The following SPATA9 variants were observed in gnomAD, a reference collection of about 807,000 sequenced individuals.
SPATA9 encodes the protein spermatogenesis associated 9, also known as spermatogenesis-associated protein 9.
SPATA9 carries 27 observed loss-of-function variants against 25.5 expected under a neutral mutation model. That is an observed-to-expected ratio of 1.06 (90% CI 0.78 to 1.46). SPATA9 has a LOEUF of 1.46. Among genes scored for constraint, SPATA9 ranks in the 40% most tolerant of loss-of-function variants. The pLI, the probability that SPATA9 is intolerant of heterozygous loss-of-function variation, is 0.00. For synonymous variants in SPATA9, 102 were observed against 105.7 expected, an observed-to-expected ratio of 0.97 and a Z score of 0.21; for missense variants, 282 against 297.5, an observed-to-expected ratio of 0.95 and a Z score of 0.38.
At chr5:95,654,117 G>A, downstream of SPATA9, 1 of 1,611,692 alleles carries the variant, frequency 6.2e-7, no homozygotes, top group Non-Finnish European at 8.5e-7. Flanking sequence ...TCTTCTGTGT[G>A]TGTGGGCAGA....
chr5:95,725,786 G>C, the SPATA9 span, among the ~76,000 whole-genome samples: 2 of 150,900 alleles, frequency 1.3e-5, no homozygotes, highest in Admixed American at 6.6e-5. Context: ...TGCTCTCATT[G>C]TAATGTTAGC....
the SPATA9 span, among the ~76,000 whole-genome samples, chr5:95,728,461 ACTTT>A: frequency 5.9e-5 from 9 of 152,220 alleles, no homozygotes; most frequent in Admixed American, 5.9e-4. Flanking sequence ...GACAATGTTT[ACTTT>A]CTTTATGAAC....
At chr5:95,690,691 T>C (rs1455404808) in intron 1 of SPATA9, among the ~76,000 whole-genome samples, 2 of 152,204 alleles carry the variant, frequency 1.3e-5, no homozygotes, top group East Asian at 3.8e-4. Context: ...CCATCTATGA[T>C]ATATTCCAGC....
chr5:95,671,949 A>G (rs964067895), intron 3 of SPATA9, among the ~76,000 whole-genome samples: 1 of 152,034 alleles, frequency 6.6e-6, no homozygotes, highest in Admixed American at 6.6e-5. Flanking sequence ...TGCTATAAAA[A>G]TGAAGTTCAA....
Position 95,658,578 on chromosome 5 carries a change from C to T in SPATA9, c.*45G>A. The T allele has an allele frequency of 6.4e-7, 1 of 1,550,650 alleles. No individual in the cohort carries two copies. Among genetic ancestry groups the T allele is most frequent in the Non-Finnish European group, 8.7e-7 (1 of 1,151,446 alleles). On this transcript the variant is annotated 3_prime_UTR_variant, in exon 5 of 5. Coordinates refer to ENST00000274432, the MANE Select transcript of SPATA9 (RefSeq NM_031952.4). ...TCTGAGTTTTGTCAGATGAAATGTGCCATTAAATAGATAACTCTTAAGTTC... is the reference window on the plus strand; with the variant it reads ...TCTGAGTTTTGTCAGATGAAATGTGTCATTAAATAGATAACTCTTAAGTTC...
At chr5:95,714,268 A>G in the SPATA9 span, among the ~76,000 whole-genome samples, 3,398 of 152,242 alleles carry the variant, frequency 0.022, 136 homozygotes, top group African/African-American at 0.076. Context: ...TTGAAATCTG[A>G]GAGTCATCAA....
the SPATA9 span, among the ~76,000 whole-genome samples, chr5:95,724,710 C>T: frequency 6.6e-6 from 1 of 152,184 alleles, no homozygotes; most frequent in Admixed American, 6.5e-5. Flanking sequence ...AGGTAATCCA[C>T]AAGTTTCTTG....
intron 3 of SPATA9, among the ~76,000 whole-genome samples, chr5:95,668,271 T>C (rs1421472086): frequency 6.6e-6 from 1 of 152,234 alleles, no homozygotes; most frequent in South Asian, 2.1e-4. Context: ...TATGGTATGC[T>C]TCTGAATAAT....
In SPATA9 at chr5:95,658,484, A is replaced by T; in HGVS notation, c.*139T>A. 3 of 619,522 alleles carry T rather than the reference A, an allele frequency of 4.8e-6. No homozygotes were observed. The highest frequency in any genetic ancestry group is 6.7e-6 in the Non-Finnish European group (3 of 451,102). 38.4% of individuals were successfully genotyped at this position (619,522 alleles called of 1,614,324 possible). A position where few individuals can be genotyped will look rare whatever the true frequency, so the allele number is the denominator to read the frequency against. ...TCTATCATGTAAATACTAGAAAATG[A>T]CATTTTAATAGTAGCCCCCTTCTCT... On this transcript the variant is annotated 3_prime_UTR_variant, in exon 5 of 5. Coordinates refer to ENST00000274432, the MANE Select transcript of SPATA9 (RefSeq NM_031952.4).
downstream of SPATA9, chr5:95,657,226 T>G (rs564506976): frequency 6.6e-6 from 1 of 152,256 alleles, no homozygotes; most frequent in East Asian, 1.9e-4. Context: ...TCCTTGGAGT[T>G]CCCGAGCAAG....
intron 4 of SPATA9, among the ~76,000 whole-genome samples, chr5:95,661,389 T>A (rs1279786181): frequency 6.6e-6 from 1 of 152,144 alleles, no homozygotes; most frequent in African/African-American, 2.4e-5. Context: ...ACCAAAATTG[T>A]AACCTGACCT....
chr5:95,674,246 A>C (rs553714911), intron 3 of SPATA9, among the ~76,000 whole-genome samples: 1 of 152,288 alleles, frequency 6.6e-6, no homozygotes, highest in Admixed American at 6.5e-5. Flanking sequence ...ACTCCAACAT[A>C]AAGGGTATTT....
At chr5:95,653,026 T>C (rs1175916452) in exon 9 of SPATA9, 5 of 1,514,022 alleles carry the variant, frequency 3.3e-6, no homozygotes, top group Non-Finnish European at 4.4e-6. Context: ...CCTGCCTGTT[T>C]ACCAATCTTG....
chr5:95,731,369 C>G, the SPATA9 span: 2 of 1,147,024 alleles, frequency 1.7e-6, no homozygotes, highest in Non-Finnish European at 2.1e-6. Flanking sequence ...CGAGGAGGCG[C>G]GGCGGAGAGG....
chr5:95,701,014 C>T (rs1251549019), upstream of SPATA9, among the ~76,000 whole-genome samples: 1 of 152,108 alleles, frequency 6.6e-6, no homozygotes, highest in Non-Finnish European at 1.5e-5. Flanking sequence ...CCCTAATGTT[C>T]AAACATTATA....
downstream of SPATA9, among the ~76,000 whole-genome samples, chr5:95,653,407 A>G (rs1469553934): frequency 6.6e-6 from 1 of 152,258 alleles, no homozygotes; most frequent in African/African-American, 2.4e-5. Flanking sequence ...AGATAACTGA[A>G]TGTTGTTTAG....
At chr5:95,677,427 T>C (rs1241182292) in intron 2 of SPATA9, among the ~76,000 whole-genome samples, 1 of 152,132 alleles carries the variant, frequency 6.6e-6, no homozygotes, top group East Asian at 1.9e-4. Flanking sequence ...ACACAGAAAG[T>C]TTTCAGTGCA....
At chr5:95,672,242 GA>G (rs1398583310) in intron 3 of SPATA9, among the ~76,000 whole-genome samples, 1 of 152,072 alleles carries the variant, frequency 6.6e-6, no homozygotes, top group Non-Finnish European at 1.5e-5. Context: ...ACCAGAACAG[GA>G]AAAAAGGAAG....
chr5:95,660,971 T>G (rs541559231), intron 4 of SPATA9, among the ~76,000 whole-genome samples: 2 of 152,202 alleles, frequency 1.3e-5, no homozygotes, highest in Non-Finnish European at 2.9e-5. Flanking sequence ...TCTGTCTTCT[T>G]AGTCAAACCA....
Sources: gnomAD v4.1 joint callset for allele counts (sites outside exome capture counted in the v4.1 genomes callset) on GRCh38, gnomAD v4.1.1 for gene constraint, MANE v1.5 for transcripts, NCBI Gene and HGNC (gene_info 2026-07-23, HGNC 2026-07-21) for gene names.